The following UNK variants were observed in gnomAD, a reference collection of about 807,000 sequenced individuals.
UNK encodes the protein RING finger protein unkempt homolog.
UNK carries 32 observed loss-of-function variants against 97.6 expected under a neutral mutation model. The observed-to-expected ratio is 0.33, with a 90% CI of 0.25 to 0.44. The LOEUF is 0.44. Among genes scored for constraint, UNK ranks in the 20% least tolerant of loss-of-function variants. The probability of loss-of-function intolerance (pLI) is 1.00; values close to 1 mark genes in which losing one functional copy is unlikely to be tolerated. For synonymous variants in UNK, 441 were observed against 461.2 expected, an observed-to-expected ratio of 0.96 and a Z score of 0.56; for missense variants, 771 against 1,098.4, an observed-to-expected ratio of 0.70 and a Z score of 4.21.
At chr17:75,791,660 G>C (rs1051011766) in intron 1 of UNK, 1 of 864,380 alleles carries the variant, frequency 1.2e-6, no homozygotes, top group Admixed American at 6.2e-5. Context: ...CCCTTGCTAA[G>C]GGTAGATTCT....
Position 75,817,032 on chromosome 17 carries a change from G to C in UNK, c.1104+120G>C, listed in dbSNP as rs1299941452. 1.4e-6 allele frequency: 2 copies of C among 1,392,596 alleles called. No individual in the cohort carries two copies. Among genetic ancestry groups the C allele is most frequent in the South Asian group, 2.9e-5 (2 of 68,186 alleles). 86.3% of individuals were successfully genotyped at this position (1,392,596 alleles called of 1,614,324 possible). A position where few individuals can be genotyped will look rare whatever the true frequency, so the allele number is the denominator to read the frequency against. On this transcript the variant is annotated intron_variant, in intron 8 of 15. Transcript: ENST00000589666. The surrounding 1 kb of genome is among the most constrained non-coding windows in gnomAD (Gnocchi z 5.8). ...CTGGTATTTGTCCTCAGGCCAGGGG[G>C]ATCTGTCTTTTCCATCTCAGCATTC...
chr17:75,809,171 A>T, intron 1 of UNK: 1 of 152,976 alleles, frequency 6.5e-6, no homozygotes, highest in Non-Finnish European at 1.5e-5. Context: ...AGGTAGTGCT[A>T]GGAAATGTCT....
intron 1 of UNK, among the ~76,000 whole-genome samples, chr17:75,797,817 C>A (rs2061820442): frequency 1.3e-5 from 2 of 152,224 alleles, no homozygotes; most frequent in African/African-American, 4.8e-5. Context: ...ATCTCTTGTC[C>A]CTTTTGTTGG....
At chr17:75,823,952 C>T (rs1346588310) in intron 15 of UNK, among the ~76,000 whole-genome samples, 1 of 152,200 alleles carries the variant, frequency 6.6e-6, no homozygotes, top group Non-Finnish European at 1.5e-5. Flanking sequence ...GGCAGCCAAG[C>T]CCCCGGGTGT....
intron 2 of UNK, 89 bp from the exon 3 acceptor site, chr17:75,812,023 C>T: frequency 7.1e-7 from 1 of 1,406,804 alleles, no homozygotes; most frequent in Non-Finnish European, 9.5e-7. Flanking sequence ...ACAACAACAA[C>T]AAAAACAGTT....
chr17:75,795,587 G>A lies in UNK; in HGVS notation c.104+10603G>A, dbSNP rs112610163. Among the ~76,000 whole-genome samples the A allele has an allele frequency of 8.5e-3, 1,288 of 152,174 alleles. 15 individuals carry two copies. The highest frequency in any genetic ancestry group is 0.031 in the Middle Eastern group (9 of 294). On this transcript the variant is annotated intron_variant, in intron 1 of 15. Transcript: ENST00000589666. Reference sequence around the variant, plus strand: ...ACTCCTGACCTCGAGTGATCTGCCCGTCTTGACCTCTCAAAAGTGCTGAGA... The same window carrying A: ...ACTCCTGACCTCGAGTGATCTGCCCATCTTGACCTCTCAAAAGTGCTGAGA...
chr17:75,796,070 GA>G (rs550985443), intron 1 of UNK, among the ~76,000 whole-genome samples: 69 of 152,260 alleles, frequency 4.5e-4, no homozygotes, highest in Non-Finnish European at 6.8e-4. Context: ...TCGCATCTAG[GA>G]GCTTCATAGT....
intron 1 of UNK, among the ~76,000 whole-genome samples, chr17:75,787,879 T>C (rs895955793): frequency 6.6e-6 from 1 of 150,802 alleles, no homozygotes; most frequent in Non-Finnish European, 1.5e-5. Flanking sequence ...TGGACTTGAA[T>C]TCCTGGGCTC....
At chr17:75,813,397 CTCCTGCATGAATG>C (rs2061988195) in intron 5 of UNK, among the ~76,000 whole-genome samples, 184 bp downstream of exon 5, 1 of 152,176 alleles carries the variant, frequency 6.6e-6, no homozygotes, top group Admixed American at 6.5e-5. Flanking sequence ...CCAGCTTCAC[CTCCTGCATGAATG>C]AGGACCCTGG....
chr17:75,818,977 ATGACCCCAAGG>A lies in UNK; in HGVS notation c.1546+164_1546+174del, dbSNP rs2062041670. 1 of 856,182 alleles carries A rather than the reference ATGACCCCAAGG, an allele frequency of 1.2e-6. No homozygotes were observed. Among genetic ancestry groups the A allele is most frequent in the East Asian group, 2.9e-5 (1 of 34,194 alleles). The allele number at this position is 856,182 out of a possible 1,614,324, so 53.0% of individuals were successfully genotyped here. A position where few individuals can be genotyped will look rare whatever the true frequency, so the allele number is the denominator to read the frequency against. ...CTGAGTCCTTTGAGCTAAAGGGGAA[ATGACCCCAAGG>A]TGTAGGGCCAGGACTGACCCTTAGA... On this transcript the variant is annotated intron_variant, in intron 11 of 15. Coordinates refer to ENST00000589666, the MANE Select transcript of UNK (RefSeq NM_001080419.3). This position sits in a 1 kb window ranked among gnomAD's most constrained non-coding sequence, Gnocchi z 5.1.
At position 75,824,168 on chromosome 17, in the gene UNK, C is replaced by A; in HGVS notation, c.2278-94C>A. The A allele has an allele frequency of 1.4e-6, 2 of 1,391,392 alleles. No homozygotes were observed. Among genetic ancestry groups the A allele is most frequent in the East Asian group, 2.9e-5 (1 of 34,050 alleles). 86.2% of individuals were successfully genotyped at this position (1,391,392 alleles called of 1,614,324 possible). On this transcript the variant is annotated intron_variant, in intron 15 of 15. Coordinates refer to ENST00000589666, the MANE Select transcript of UNK (RefSeq NM_001080419.3). The surrounding 1 kb of genome is among the most constrained non-coding windows in gnomAD (Gnocchi z 4.9). Reference sequence around the variant, plus strand: ...GTTGAGCTCGGTACCTCAGTTTTCCCATCCCAAGGGGCTGCAGTGAGGATC... The same window carrying A: ...GTTGAGCTCGGTACCTCAGTTTTCCAATCCCAAGGGGCTGCAGTGAGGATC...
intron 1 of UNK, among the ~76,000 whole-genome samples, chr17:75,805,788 C>A (rs548274701): frequency 6.8e-6 from 1 of 148,108 alleles, no homozygotes; most frequent in African/African-American, 2.6e-5. Context: ...ACAGAGCGAG[C>A]CCCTGCCTTA....
In UNK at chr17:75,819,586, C is replaced by T. The variant is rs185008735; in HGVS notation, c.1547-98C>T. ...GGGGCTTGGGAGAATACGGACCCAG[C>T]GTAGCATGGGCGTGAAGATGCAGCG... On this transcript the variant is annotated intron_variant, in intron 11 of 15. Coordinates refer to ENST00000589666, the MANE Select transcript of UNK (RefSeq NM_001080419.3). The surrounding 1 kb of genome is among the most constrained non-coding windows in gnomAD (Gnocchi z 5.4). 2.2e-3 allele frequency: 2,522 copies of T among 1,129,506 alleles called. 6 individuals carry two copies. The highest frequency in any genetic ancestry group is 2.3e-3 in the Non-Finnish European group (1,738 of 754,860). The allele number at this position is 1,129,506 out of a possible 1,614,324, so 70.0% of individuals were successfully genotyped here. A position where few individuals can be genotyped will look rare whatever the true frequency, so the allele number is the denominator to read the frequency against.
At chr17:75,803,317 C>T (rs1038966751) in intron 1 of UNK, among the ~76,000 whole-genome samples, 9 of 152,152 alleles carry the variant, frequency 5.9e-5, no homozygotes, top group Non-Finnish European at 1.0e-4. Flanking sequence ...GCAGAAGAAT[C>T]ACTTGAACCC....
intron 2 of UNK, among the ~76,000 whole-genome samples, chr17:75,810,508 G>A (rs1351414249): frequency 6.6e-6 from 1 of 152,040 alleles, no homozygotes; most frequent in East Asian, 1.9e-4. Flanking sequence ...GTCACCGACG[G>A]AACATTCACT....
chr17:75,801,735 G>A (rs1046367619), intron 1 of UNK, among the ~76,000 whole-genome samples: 3 of 151,926 alleles, frequency 2.0e-5, no homozygotes, highest in African/African-American at 4.8e-5. Flanking sequence ...AGTAGAGACG[G>A]GGTTTCACCA....
At position 75,785,575 on chromosome 17, in the gene UNK, C is replaced by CT. The variant is rs1378910143; in HGVS notation, c.104+592dup. On this transcript the variant is annotated intron_variant, in intron 1 of 15. Coordinates refer to ENST00000589666, the MANE Select transcript of UNK (RefSeq NM_001080419.3). ...GTTTCCCTCGCGGGCTGTGCGGAGCCTGAGTCTGGGAGCCCGAAGGTGATG... is the reference window on the plus strand; with the variant it reads ...GTTTCCCTCGCGGGCTGTGCGGAGCCTTGAGTCTGGGAGCCCGAAGGTGATG... 3.3e-5 allele frequency: 5 copies of CT among 152,514 alleles called. No individual in the cohort carries two copies. In the East Asian group the frequency reaches 9.6e-4, roughly 29 times the overall value. 9.4% of individuals were successfully genotyped at this position (152,514 alleles called of 1,614,324 possible).
At chr17:75,814,235 C>T (rs1232412570) in intron 6 of UNK, among the ~76,000 whole-genome samples, 1 of 151,970 alleles carries the variant, frequency 6.6e-6, no homozygotes, top group Non-Finnish European at 1.5e-5. Context: ...GGCACGGTGG[C>T]TTATGCCTAT....
chr17:75,785,068 A>G, intron 1 of UNK, 84 bp downstream of exon 1: 2 of 947,650 alleles, frequency 2.1e-6, no homozygotes, highest in Non-Finnish European at 3.0e-6. Context: ...GGAGAGCGCG[A>G]GGCGGCCTCT....
Sources: gnomAD v4.1 joint callset for allele counts (sites outside exome capture counted in the v4.1 genomes callset) on GRCh38, gnomAD v4.1.1 for gene constraint, Gnocchi (gnomAD v3.1) non-coding constraint, MANE v1.5 for transcripts, NCBI Gene and HGNC (gene_info 2026-07-23, HGNC 2026-07-21) for gene names.